GULP1: variants seen among roughly 807,000 people sequenced by gnomAD.
GULP1 encodes GULP PTB domain containing engulfment adaptor 1.
A neutral mutation model predicts 40.9 loss-of-function variants in GULP1; 19 were observed. The observed-to-expected ratio is 0.46, with a 90% CI of 0.32 to 0.68. The LOEUF is 0.68. Ranked by LOEUF, GULP1 falls within the 30% of genes least tolerant of loss-of-function variation. The pLI is 0.03. For missense variants in GULP1, 312 were observed against 362.2 expected (o/e 0.86, Z 1.12); for synonymous variants, 119 against 117.6 (o/e 1.01, Z -0.08).
At chr2:188,375,397 T>C (rs951654857) in intron 1 of GULP1, among the ~76,000 whole-genome samples, 1 of 152,196 alleles carries the variant, frequency 6.6e-6, no homozygotes, top group Non-Finnish European at 1.5e-5. Context: ...AAAATTAAAC[T>C]CCACAGGACT....
At chr2:188,327,550 C>A (rs1160085798) in intron 1 of GULP1, among the ~76,000 whole-genome samples, 1 of 151,970 alleles carries the variant, frequency 6.6e-6, no homozygotes, top group Non-Finnish European at 1.5e-5. Flanking sequence ...CTTCAGGGCT[C>A]CTTATTTTTT....
At chr2:188,440,374 A>G (rs571617941) in intron 2 of GULP1, among the ~76,000 whole-genome samples, 9 of 152,298 alleles carry the variant, frequency 5.9e-5, no homozygotes, top group Admixed American at 3.9e-4. Context: ...AAAGTTACCA[A>G]TGGGGAATAC....
At chr2:188,485,819 T>A (rs1229447275) in intron 4 of GULP1, among the ~76,000 whole-genome samples, 1 of 151,992 alleles carries the variant, frequency 6.6e-6, no homozygotes, top group Non-Finnish European at 1.5e-5. Flanking sequence ...AAGAGTGGAA[T>A]TTTTTTCTCA....
chr2:188,308,385 A>G (rs2037495871), intron 1 of GULP1, among the ~76,000 whole-genome samples: 1 of 152,218 alleles, frequency 6.6e-6, no homozygotes, highest in Non-Finnish European at 1.5e-5. Flanking sequence ...AATTTTCCTC[A>G]GTATTAAAAT....
intron 1 of GULP1, among the ~76,000 whole-genome samples, chr2:188,304,199 A>G (rs888877675): frequency 7.2e-5 from 11 of 152,200 alleles, no homozygotes; most frequent in African/African-American, 2.7e-4. Context: ...TTCAATTTCC[A>G]ACTCCCACTT....
At chr2:188,517,862 G>C (rs752726955) in intron 4 of GULP1, among the ~76,000 whole-genome samples, 4 of 151,972 alleles carry the variant, frequency 2.6e-5, no homozygotes, top group Non-Finnish European at 5.9e-5. Flanking sequence ...TTGTCAGTTA[G>C]GTGCCTCACT....
At chr2:188,376,558 C>T (rs2048319623) in intron 1 of GULP1, among the ~76,000 whole-genome samples, 1 of 152,050 alleles carries the variant, frequency 6.6e-6, no homozygotes, top group Non-Finnish European at 1.5e-5. Flanking sequence ...CAGAAAACCT[C>T]ATTGAAATGC....
intron 7 of GULP1, among the ~76,000 whole-genome samples, chr2:188,566,106 T>G (rs1162551081): frequency 2.6e-5 from 4 of 152,266 alleles, no homozygotes; most frequent in African/African-American, 9.6e-5. Context: ...ATATCTTATA[T>G]GATTCATAAA....
chr2:188,340,002 T>A (rs1168679849), intron 1 of GULP1, among the ~76,000 whole-genome samples: 1 of 152,240 alleles, frequency 6.6e-6, no homozygotes, highest in Non-Finnish European at 1.5e-5. Context: ...TGTCACTCAA[T>A]ATGGATGAAC....
At chr2:188,491,428 C>G (rs1014346813) in intron 4 of GULP1, 1 of 151,684 alleles carries the variant, frequency 6.6e-6, no homozygotes, top group African/African-American at 2.4e-5. Context: ...TTTTTGTTTT[C>G]TTAACAGAGA....
chr2:188,569,911 C>G lies in GULP1; in HGVS notation c.517-117C>G. On this transcript the variant is annotated intron_variant, in intron 8 of 11. Transcript: ENST00000409830. ...AAGCTTTATCAAACAATTTTCTCCC[C>G]ACGCACAACAAAGTACATTAAAGTT... The G allele has an allele frequency of 5.7e-6, 3 of 528,188 alleles. No homozygotes were observed. In the South Asian group the frequency reaches 8.5e-5, roughly 15 times the overall value. The allele number at this position is 528,188 out of a possible 1,614,324, so 32.7% of individuals were successfully genotyped here. A position where few individuals can be genotyped will look rare whatever the true frequency, so the allele number is the denominator to read the frequency against.
intron 1 of GULP1, among the ~76,000 whole-genome samples, chr2:188,357,077 A>C (rs1035817132): frequency 1.3e-5 from 2 of 152,174 alleles, no homozygotes; most frequent in Non-Finnish European, 2.9e-5. Flanking sequence ...ACTAAAGATA[A>C]ATGTAAAATC....
At chr2:188,335,924 G>A (rs1450652258) in intron 1 of GULP1, among the ~76,000 whole-genome samples, 1 of 152,102 alleles carries the variant, frequency 6.6e-6, no homozygotes, top group African/African-American at 2.4e-5. Flanking sequence ...TTTAGATTAT[G>A]TTACAGATAT....
In GULP1 at chr2:188,480,466, T is replaced by A. The variant is rs954938213; in HGVS notation, c.28+2736T>A. ...CCTAAACATAATTGTGTTTTTTTTTTAAATTAAATCTCCAAATTAGTAAGT... is the reference window on the plus strand; with the variant it reads ...CCTAAACATAATTGTGTTTTTTTTTAAAATTAAATCTCCAAATTAGTAAGT... On this transcript the variant is annotated intron_variant, in intron 3 of 11. Coordinates refer to ENST00000409830, the MANE Select transcript of GULP1 (RefSeq NM_016315.4). 2.0e-4 allele frequency among the ~76,000 whole-genome samples: 30 copies of A among 151,862 alleles called. 1 individual carries two copies. Among genetic ancestry groups the A allele is most frequent in the Admixed American group, 1.8e-3 (27 of 15,202 alleles).
At chr2:188,308,420 G>T (rs1376315297) in intron 1 of GULP1, among the ~76,000 whole-genome samples, 1 of 152,054 alleles carries the variant, frequency 6.6e-6, no homozygotes, top group Non-Finnish European at 1.5e-5. Flanking sequence ...AAAAGCTTTT[G>T]ACCATCTTTT....
At chr2:188,524,981 G>GA (rs1210353597) in intron 5 of GULP1, among the ~76,000 whole-genome samples, 3 of 151,806 alleles carry the variant, frequency 2.0e-5, no homozygotes, top group African/African-American at 7.2e-5. Flanking sequence ...AAAGCTGATG[G>GA]AAAAATTAAA....
At chr2:188,558,635 G>A (rs971837456) in intron 7 of GULP1, among the ~76,000 whole-genome samples, 1 of 152,160 alleles carries the variant, frequency 6.6e-6, no homozygotes, top group East Asian at 1.9e-4. Context: ...AAGAAGACAG[G>A]GAAATGTGGG....
At chr2:188,493,341 C>A (rs914753418) in intron 4 of GULP1, among the ~76,000 whole-genome samples, 1 of 151,982 alleles carries the variant, frequency 6.6e-6, no homozygotes, top group Non-Finnish European at 1.5e-5. Flanking sequence ...TTGAAGGGGT[C>A]TTACTTTTTC....
At chr2:188,433,575 C>G (rs2057118532) in intron 2 of GULP1, among the ~76,000 whole-genome samples, 1 of 152,082 alleles carries the variant, frequency 6.6e-6, no homozygotes, top group Non-Finnish European at 1.5e-5. Context: ...GGACGACTAA[C>G]AGTTCTATCA....
Sources: gnomAD v4.1 joint callset for allele counts (sites outside exome capture counted in the v4.1 genomes callset) on GRCh38, gnomAD v4.1.1 for gene constraint, MANE v1.5 for transcripts, NCBI Gene and HGNC (gene_info 2026-07-23, HGNC 2026-07-21) for gene names.